The following KCNMB4 variants were observed in gnomAD, a reference collection of about 807,000 sequenced individuals.
KCNMB4 encodes calcium-activated potassium channel subunit beta-4.
In KCNMB4, 3 loss-of-function variants were observed where a neutral mutation model predicts 20.7. The ratio of observed to expected loss-of-function variants is 0.14; its 90% CI spans 0.07 to 0.37. KCNMB4 has a LOEUF of 0.37. Ranked by LOEUF, KCNMB4 falls within the 10% of genes least tolerant of loss-of-function variation. The probability of loss-of-function intolerance (pLI) is 1.00; values close to 1 mark genes in which losing one functional copy is unlikely to be tolerated. For synonymous variants in KCNMB4, 110 were observed against 113.4 expected, an observed-to-expected ratio of 0.97 and a Z score of 0.19; for missense variants, 168 against 265.9, an observed-to-expected ratio of 0.63 and a Z score of 2.56.
Position 70,371,604 on chromosome 12 carries a change from T to G in KCNMB4, c.336+4534T>G, listed in dbSNP as rs185394468. ...TCTTGAAAAAGTGGCATTTCTTGGTTGTTTTTCCTTTGGAGATGATGTTAT... is the reference window on the plus strand; with the variant it reads ...TCTTGAAAAAGTGGCATTTCTTGGTGGTTTTTCCTTTGGAGATGATGTTAT... On this transcript the variant is annotated intron_variant, in intron 1 of 2. Coordinates refer to ENST00000258111, the MANE Select transcript of KCNMB4 (RefSeq NM_014505.6). 2.2e-3 allele frequency among the ~76,000 whole-genome samples: 331 copies of G among 152,380 alleles called. 1 individual carries two copies. Among genetic ancestry groups the G allele is most frequent in the Non-Finnish European group, 3.9e-3 (262 of 68,046 alleles).
chr12:70,397,979 AATTGACT>A (rs1402244484), intron 1 of KCNMB4, among the ~76,000 whole-genome samples: 2 of 152,210 alleles, frequency 1.3e-5, no homozygotes, highest in Non-Finnish European at 2.9e-5. Context: ...TTTATAAACT[AATTGACT>A]ATAATGTAGA....
In KCNMB4 at chr12:70,366,999, G is replaced by C. The variant is rs1273946392; in HGVS notation, c.265G>C (p.Val89Leu). 6.2e-7 allele frequency: 1 copy of C among 1,602,628 alleles called. No individual in the cohort carries two copies. The highest frequency in any genetic ancestry group is 8.5e-7 in the Non-Finnish European group (1 of 1,173,974). Reference protein sequence around the residue: ...TSQYPCVQVYVNNSESNSRAL... With the variant: ...TSQYPCVQVYLNNSESNSRAL... ...GCAGTACCCCTGCGTCCAGGTCTAC[G>C]TGAACAACTCTGAGTCCAACTCTAG... The change falls in exon 1 of 3, where the codon GTG becomes CTG. Residue 89 changes from valine (V) to leucine (L), a missense_variant. Val to Leu is a conservative substitution (Grantham distance 32). Transcript: ENST00000258111.
At chr12:70,385,259 C>G (rs1868248828) in intron 1 of KCNMB4, among the ~76,000 whole-genome samples, 1 of 152,132 alleles carries the variant, frequency 6.6e-6, no homozygotes, top group African/African-American at 2.4e-5. Context: ...CACAAAACCC[C>G]TCCTGGGTTG....
chr12:70,406,162 A>G (rs866078895), intron 2 of KCNMB4, among the ~76,000 whole-genome samples: 6 of 152,336 alleles, frequency 3.9e-5, no homozygotes, highest in Middle Eastern at 3.4e-3. Flanking sequence ...CAATGGCCAT[A>G]AAGTTTCAGT....
intron 1 of KCNMB4, among the ~76,000 whole-genome samples, chr12:70,371,311 G>C (rs954837157): frequency 6.6e-6 from 1 of 152,160 alleles, no homozygotes; most frequent in Non-Finnish European, 1.5e-5. Context: ...ACTGAATAAG[G>C]CTTCAGGCAT....
rs556440831 is a variant in KCNMB4 at position 70,422,650 on chromosome 12, C to A, written c.465-7835C>A. 36 of 1,245,434 alleles carry A rather than the reference C, an allele frequency of 2.9e-5. No homozygotes were observed. In the African/African-American group the frequency reaches 4.9e-4, roughly 17 times the overall value. 77.1% of individuals were successfully genotyped at this position (1,245,434 alleles called of 1,614,324 possible). ...AGCTGACTTTAGAATAAAATTCATT[C>A]GTTGATTTGCCTTTTTAAAAAAGAC... is the stretch of plus-strand genomic sequence containing the variant. On this transcript the variant is annotated intron_variant, in intron 2 of 2. Coordinates refer to ENST00000258111, the MANE Select transcript of KCNMB4 (RefSeq NM_014505.6).
chr12:70,409,474 A>C (rs1691583), intron 2 of KCNMB4, among the ~76,000 whole-genome samples: 111,836 of 152,122 alleles, frequency 0.74, 41,786 homozygotes, highest in East Asian at 0.94. Flanking sequence ...ATTCCAACTT[A>C]AACTTCTGCC....
intron 2 of KCNMB4, 79 bp downstream of exon 2, chr12:70,400,415 G>C: frequency 7.1e-7 from 1 of 1,406,008 alleles, no homozygotes; most frequent in Non-Finnish European, 9.6e-7. Flanking sequence ...CGTAGATTAT[G>C]CCCACTTGAC....
At chr12:70,379,450 T>G (rs994078424) in intron 1 of KCNMB4, among the ~76,000 whole-genome samples, 2 of 152,128 alleles carry the variant, frequency 1.3e-5, no homozygotes, top group African/African-American at 4.8e-5. Context: ...AGACAAGGTC[T>G]GGCTGTCACC....
chr12:70,384,069 AAAAC>A (rs1304891857), intron 1 of KCNMB4, among the ~76,000 whole-genome samples: 1 of 152,164 alleles, frequency 6.6e-6, no homozygotes, highest in African/African-American at 2.4e-5. Context: ...ATTCCATCTC[AAAAC>A]AAACAAAAAA....
intron 1 of KCNMB4, 66 bp from the exon 2 acceptor site, chr12:70,400,143 A>G (rs1282648653): frequency 8.0e-7 from 1 of 1,251,324 alleles, no homozygotes; most frequent in Non-Finnish European, 1.1e-6. Context: ...ATCTTTCTAT[A>G]AAAAAAGACT....
chr12:70,413,036 C>T (rs975162407), intron 2 of KCNMB4, among the ~76,000 whole-genome samples: 1 of 152,134 alleles, frequency 6.6e-6, no homozygotes, highest in Non-Finnish European at 1.5e-5. Flanking sequence ...TTGTGTCTGT[C>T]TCCATATTAA....
At chr12:70,398,362 C>A (rs544864921) in intron 1 of KCNMB4, among the ~76,000 whole-genome samples, 10 of 151,998 alleles carry the variant, frequency 6.6e-5, no homozygotes, top group Non-Finnish European at 1.0e-4. Context: ...AGTAATTTAC[C>A]CAAGGCCTAA....
intron 2 of KCNMB4, among the ~76,000 whole-genome samples, chr12:70,409,360 G>A (rs1171854918): frequency 6.6e-6 from 1 of 152,084 alleles, no homozygotes; most frequent in Non-Finnish European, 1.5e-5. Context: ...CACCACGCTA[G>A]GTTTTGTTTT....
intron 2 of KCNMB4, among the ~76,000 whole-genome samples, chr12:70,409,356 G>A (rs553932169): frequency 1.6e-4 from 25 of 152,234 alleles, no homozygotes; most frequent in South Asian, 6.2e-4. Flanking sequence ...TCCACACCAC[G>A]CTAGGTTTTG....
intron 2 of KCNMB4, among the ~76,000 whole-genome samples, chr12:70,410,642 T>C (rs945451668): frequency 1.3e-5 from 2 of 152,206 alleles, no homozygotes; most frequent in Non-Finnish European, 2.9e-5. Context: ...ATTTGCACCA[T>C]AGCTAATACT....
At chr12:70,371,486 A>G (rs1883594711) in intron 1 of KCNMB4, among the ~76,000 whole-genome samples, 2 of 152,164 alleles carry the variant, frequency 1.3e-5, no homozygotes, top group Non-Finnish European at 2.9e-5. Flanking sequence ...ATTCAGTTTG[A>G]TACATTTTGC....
chr12:70,369,330 A>T (rs1883550365), intron 1 of KCNMB4, among the ~76,000 whole-genome samples: 1 of 152,242 alleles, frequency 6.6e-6, no homozygotes, highest in South Asian at 2.1e-4. Flanking sequence ...ATTCAATGTA[A>T]TAAAAATATT....
At chr12:70,417,632 A>G (rs1229097564) in intron 2 of KCNMB4, among the ~76,000 whole-genome samples, 1 of 152,182 alleles carries the variant, frequency 6.6e-6, no homozygotes, top group Non-Finnish European at 1.5e-5. Flanking sequence ...ATGCAAATAC[A>G]TCCATGATAT....
Sources: gnomAD v4.1 joint callset for allele counts (sites outside exome capture counted in the v4.1 genomes callset) on GRCh38, gnomAD v4.1.1 for gene constraint, MANE v1.5 for transcripts, NCBI Gene and HGNC (gene_info 2026-07-23, HGNC 2026-07-21) for gene names.